IL21R: variants seen among roughly 807,000 people sequenced by gnomAD.
IL21R encodes the protein interleukin 21 receptor.
Under a neutral mutation model 41.3 loss-of-function variants are expected in IL21R, and 14 were observed. The ratio of observed to expected loss-of-function variants is 0.34; its 90% CI spans 0.22 to 0.53. The LOEUF (loss-of-function observed/expected upper bound fraction) is 0.53, where lower values mean the gene tolerates loss of function less well. Among genes scored for constraint, IL21R ranks in the 20% least tolerant of loss-of-function variants. The pLI, the probability that IL21R is intolerant of heterozygous loss-of-function variation, is 0.94. For synonymous variants in IL21R, 286 were observed against 287.6 expected (o/e 0.99, Z 0.05); for missense variants, 588 against 681.6 (o/e 0.86, Z 1.53).
At chr16:27,404,588 G>A (rs2086709149) in intron 1 of IL21R, among the ~76,000 whole-genome samples, 1 of 152,270 alleles carries the variant, frequency 6.6e-6, no homozygotes, top group African/African-American at 2.4e-5. Flanking sequence ...CACAGCCAGA[G>A]AGGGAAGCTA....
intron 1 of IL21R, among the ~76,000 whole-genome samples, chr16:27,419,694 C>T (rs552898996): frequency 6.6e-6 from 1 of 152,086 alleles, no homozygotes; most frequent in Non-Finnish European, 1.5e-5. Context: ...TCCCAAAGTG[C>T]TGGGATTACA....
At chr16:27,436,691 C>A (rs925404390) in intron 3 of IL21R, among the ~76,000 whole-genome samples, 1 of 152,304 alleles carries the variant, frequency 6.6e-6, no homozygotes, top group South Asian at 2.1e-4. Flanking sequence ...CCCATCCCAC[C>A]AACTTTCCCA....
At chr16:27,446,475 C>T (rs909769120) in intron 8 of IL21R, among the ~76,000 whole-genome samples, 4 of 151,892 alleles carry the variant, frequency 2.6e-5, no homozygotes, top group African/African-American at 7.3e-5. Context: ...AGGTGGTGCA[C>T]GCCTGTAGTC....
At chr16:27,421,781 G>A (rs1262323124) in intron 1 of IL21R, among the ~76,000 whole-genome samples, 1 of 151,894 alleles carries the variant, frequency 6.6e-6, no homozygotes, top group Non-Finnish European at 1.5e-5. Context: ...CTTTAGTTTT[G>A]TATATACAAG....
chr16:27,412,189 C>CCA (rs2086832903), intron 1 of IL21R, among the ~76,000 whole-genome samples: 1 of 152,156 alleles, frequency 6.6e-6, no homozygotes. Flanking sequence ...TCTCCTTGAA[C>CCA]AAACTTCCTT....
At chr16:27,428,441 G>A (rs115350516) in intron 1 of IL21R, among the ~76,000 whole-genome samples, 2,076 of 152,348 alleles carry the variant, frequency 0.014, 47 homozygotes, top group African/African-American at 0.046. Context: ...CAGGGATGGC[G>A]TCTGGAGAAA....
intron 1 of IL21R, among the ~76,000 whole-genome samples, chr16:27,420,725 T>C (rs2086986246): frequency 6.6e-6 from 1 of 152,252 alleles, no homozygotes; most frequent in Admixed American, 6.5e-5. Context: ...AAATACGTGA[T>C]TTGCAAATGC....
chr16:27,429,753 A>G (rs982593991), intron 1 of IL21R, among the ~76,000 whole-genome samples: 3 of 152,240 alleles, frequency 2.0e-5, no homozygotes, highest in Non-Finnish European at 2.9e-5. Flanking sequence ...CAGCCTGGGC[A>G]ACAGAACATG....
intron 1 of IL21R, among the ~76,000 whole-genome samples, chr16:27,411,481 G>C (rs1192781146): frequency 3.1e-5 from 1 of 31,934 alleles, no homozygotes; most frequent in African/African-American, 1.2e-4. Context: ...TTTTTTTTTT[G>C]AGACAGAGTC....
chr16:27,431,638 G>A (rs1035987838), intron 2 of IL21R, among the ~76,000 whole-genome samples: 32 of 152,116 alleles, frequency 2.1e-4, no homozygotes, highest in South Asian at 1.0e-3. Flanking sequence ...CTTTGATTCC[G>A]GTGAGGGGCC....
At chr16:27,436,384 C>T (rs1007633322) in intron 3 of IL21R, among the ~76,000 whole-genome samples, 4 of 152,240 alleles carry the variant, frequency 2.6e-5, no homozygotes, top group South Asian at 2.1e-4. Flanking sequence ...AGAGCTGGTG[C>T]GTTTGAGGAA....
At position 27,422,375 on chromosome 16, in the gene IL21R, G is replaced by A. The variant is rs539534338; in HGVS notation, c.-16-7681G>A. 3.3e-5 allele frequency among the ~76,000 whole-genome samples: 5 copies of A among 152,058 alleles called. No homozygotes were observed. In the South Asian group the frequency reaches 1.0e-3, roughly 32 times the overall value. On this transcript the variant is annotated intron_variant, in intron 1 of 8. Transcript: ENST00000337929. ...AGATCACTGCTATTTCTTCTTACTT[G>A]TTTTCTCTCTCTTCTGCTTCTTAAT...
chr16:27,448,815 T>A lies in IL21R; in HGVS notation c.1149T>A (p.Asp383Glu). The change falls in exon 9 of 9, where the codon GAT (aspartate) becomes GAA (glutamate). Residue 383 changes from aspartate to glutamate, a missense_variant. Transcript: ENST00000337929. ...CCATTGACACAGTGACTGTGCTAGA[T>A]GCAGAGGGGCCATGCACCTGGCCCT... ...LVSIDTVTVL[D>E]AEGPCTWPCS... The A allele has an allele frequency of 6.2e-7, 1 of 1,613,438 alleles. No individual in the cohort carries two copies. Among genetic ancestry groups the A allele is most frequent in the East Asian group, 2.2e-5 (1 of 44,886 alleles).
rs2141320272 is a variant in IL21R, at chr16:27,449,166, C to T, written c.1500C>T (p.Ser500=). The T allele has an allele frequency of 2.5e-6, 4 of 1,613,150 alleles. No individual in the cohort carries two copies. Among genetic ancestry groups the T allele is most frequent in the Non-Finnish European group, 3.4e-6 (4 of 1,180,022 alleles). ...FDSGFVGSDC[S]SPVECDFTSP... is the part of the protein sequence containing the mutation. ...GTGGCTTTGTGGGCTCTGACTGCAG[C>T]AGCCCTGTGGAGTGTGACTTCACCA... The change falls in exon 9 of 9, where the codon AGC becomes AGT. Residue 500 remains serine, a synonymous_variant. Transcript: ENST00000337929.
intron 1 of IL21R, among the ~76,000 whole-genome samples, chr16:27,416,870 CA>C (rs1164971630): frequency 1.3e-5 from 2 of 152,110 alleles, no homozygotes. Context: ...TGGAGTCATA[CA>C]ATATGAGGCC....
At chr16:27,404,561 G>T (rs2086708660) in intron 1 of IL21R, among the ~76,000 whole-genome samples, 4 of 152,148 alleles carry the variant, frequency 2.6e-5, no homozygotes. Context: ...TGAAAGGAAC[G>T]GGGTATCCGT....
At chr16:27,406,377 A>G (rs1391253735) in intron 1 of IL21R, among the ~76,000 whole-genome samples, 3 of 144,600 alleles carry the variant, frequency 2.1e-5, no homozygotes, top group Non-Finnish European at 4.5e-5. Context: ...AGGGAGATAG[A>G]GATTGCACAG....
In IL21R at chr16:27,419,816, TTTATTA is replaced by T. The variant is rs57138211; in HGVS notation, c.-16-10208_-16-10203del. Among the ~76,000 whole-genome samples the T allele has an allele frequency of 6.9e-3, 1,023 of 148,056 alleles. 7 individuals are homozygous for T. The highest frequency in any genetic ancestry group is 0.012 in the South Asian group (57 of 4,742). On this transcript the variant is annotated intron_variant, in intron 1 of 8. Coordinates refer to ENST00000337929, the MANE Select transcript of IL21R (RefSeq NM_181078.3). ...GTAAATACATACACCAGTAACATAG[TTTATTA>T]TTATTATTATTATTATTATTATTAT...
intron 1 of IL21R, among the ~76,000 whole-genome samples, chr16:27,418,576 T>C (rs867633226): frequency 1.3e-5 from 2 of 152,222 alleles, no homozygotes; most frequent in East Asian, 3.9e-4. Context: ...TTCACCATGT[T>C]AGCCAGGATA....
Sources: gnomAD v4.1 joint callset for allele counts (sites outside exome capture counted in the v4.1 genomes callset) on GRCh38, gnomAD v4.1.1 for gene constraint, MANE v1.5 for transcripts, NCBI Gene and HGNC (gene_info 2026-07-23, HGNC 2026-07-21) for gene names.